NAALADL2: variants seen among roughly 807,000 people sequenced by gnomAD.
The protein encoded by NAALADL2 is N-acetylated alpha-linked acidic dipeptidase like 2, also known as inactive N-acetylated-alpha-linked acidic dipeptidase-like protein 2.
In NAALADL2, 76 loss-of-function variants were observed where a neutral mutation model predicts 87.2. The ratio of observed to expected loss-of-function variants is 0.87; its 90% CI spans 0.72 to 1.05. The LOEUF is 1.05. Ranked by LOEUF, NAALADL2 falls within the 50% of genes least tolerant of loss-of-function variation. The probability of loss-of-function intolerance (pLI) is 0.00; values close to 1 mark genes in which losing one functional copy is unlikely to be tolerated. For missense variants in NAALADL2, 1,089 were observed against 945.8 expected (o/e 1.15, Z -1.99); for synonymous variants, 354 against 331.0 (o/e 1.07, Z -0.75).
intron 1 of NAALADL2, among the ~76,000 whole-genome samples, chr3:174,917,037 T>G (rs1330838054): frequency 1.3e-5 from 2 of 152,140 alleles, no homozygotes; most frequent in African/African-American, 4.8e-5. Context: ...TTTCAGACTG[T>G]AATTCTCATT....
intron 1 of NAALADL2, among the ~76,000 whole-genome samples, chr3:174,453,312 G>A (rs1317385184): frequency 6.6e-6 from 1 of 152,258 alleles, no homozygotes; most frequent in Non-Finnish European, 1.5e-5. Flanking sequence ...CAACTTATTT[G>A]TGTCCTTGAA....
At chr3:175,223,677 G>T (rs1158721792) in intron 2 of NAALADL2, among the ~76,000 whole-genome samples, 1 of 152,132 alleles carries the variant, frequency 6.6e-6, no homozygotes, top group Non-Finnish European at 1.5e-5. Flanking sequence ...TTTGAATCCA[G>T]TGTCTAGAAC....
At chr3:175,094,753 CTATAGTGTG>C (rs1206417999) in intron 1 of NAALADL2, among the ~76,000 whole-genome samples, 11 of 74,384 alleles carry the variant, frequency 1.5e-4, no homozygotes, top group East Asian at 5.1e-4. Flanking sequence ...GCACCAGACA[CTATAGTGTG>C]TGTGTGTGTG....
chr3:175,252,815 C>G (rs533523139), intron 3 of NAALADL2, among the ~76,000 whole-genome samples: 12 of 152,206 alleles, frequency 7.9e-5, no homozygotes, highest in Admixed American at 3.3e-4. Context: ...TTTGAGTGAT[C>G]AGGATAGAAG....
chr3:174,483,370 A>C (rs938614694), intron 1 of NAALADL2, among the ~76,000 whole-genome samples: 1 of 151,914 alleles, frequency 6.6e-6, no homozygotes, highest in East Asian at 1.9e-4. Flanking sequence ...GTGAAGGGGG[A>C]AAGAGTCCCT....
Position 174,817,849 on chromosome 3 carries a change from C to G in NAALADL2, c.-9+80103C>G, listed in dbSNP as rs941851513. 2.6e-5 allele frequency among the ~76,000 whole-genome samples: 4 copies of G among 152,078 alleles called. No homozygotes were observed. The South Asian group carries it at 6.2e-4, about 24-fold the overall frequency. ...TTTCAGTATAATTTTCTAGCTCACACGTTTATCTTTAAAAAATAGTTTTAT... is the reference window on the plus strand; with the variant it reads ...TTTCAGTATAATTTTCTAGCTCACAGGTTTATCTTTAAAAAATAGTTTTAT... On this transcript the variant is annotated intron_variant, in intron 3 of 3. Transcript: ENST00000434257.
intron 9 of NAALADL2, among the ~76,000 whole-genome samples, chr3:175,511,886 T>C (rs1174760806): frequency 1.3e-5 from 2 of 152,144 alleles, no homozygotes; most frequent in Admixed American, 1.3e-4. Context: ...TAACCTAGGG[T>C]ATGTTCAATT....
intron 9 of NAALADL2, among the ~76,000 whole-genome samples, chr3:175,516,366 G>T (rs916375453): frequency 5.3e-5 from 8 of 152,218 alleles, no homozygotes; most frequent in Non-Finnish European, 8.8e-5. Flanking sequence ...GAGTAGAGAA[G>T]AGTTGACATC....
At chr3:174,523,087 A>G (rs1382185349) in intron 1 of NAALADL2, among the ~76,000 whole-genome samples, 1 of 152,166 alleles carries the variant, frequency 6.6e-6, no homozygotes, top group Non-Finnish European at 1.5e-5. Flanking sequence ...GTCTGCTGGT[A>G]CCTTGCTCTT....
At chr3:174,580,118 A>G (rs1715994832) in intron 2 of NAALADL2, among the ~76,000 whole-genome samples, 1 of 152,080 alleles carries the variant, frequency 6.6e-6, no homozygotes, top group African/African-American at 2.4e-5. Flanking sequence ...AAAAATAAGG[A>G]AAAATGTGTA....
Position 174,635,037 on chromosome 3 carries a change from A to T in NAALADL2, c.-115+84400A>T, listed in dbSNP as rs184967677. 3.7e-3 allele frequency among the ~76,000 whole-genome samples: 565 copies of T among 152,306 alleles called. 4 individuals are homozygous for T. The highest frequency in any genetic ancestry group is 0.013 in the African/African-American group (539 of 41,572). On this transcript the variant is annotated intron_variant, in intron 2 of 3. Transcript: ENST00000434257. ...TTTAAACAATATTGACAAAAATGTGATCTTGCTTCAAATTGTTTTATGGTA... is the reference window on the plus strand; with the variant it reads ...TTTAAACAATATTGACAAAAATGTGTTCTTGCTTCAAATTGTTTTATGGTA...
In NAALADL2 at chr3:175,783,208, A is replaced by G. The variant is rs535105482; in HGVS notation, c.2190-19797A>G. ...ATGCAGGCTCTTTTTTGGTTCCATA[A>G]GAACTTTAAAGTAGTTTTTTCCAAT... On this transcript the variant is annotated intron_variant, in intron 13 of 13. Transcript: ENST00000454872. Among the ~76,000 whole-genome samples, 34 of 152,192 alleles carry G rather than the reference A, an allele frequency of 2.2e-4. 1 individual carries two copies. Among genetic ancestry groups the G allele is most frequent in the African/African-American group, 6.3e-4 (26 of 41,524 alleles).
intron 4 of NAALADL2, among the ~76,000 whole-genome samples, chr3:175,306,384 C>T (rs1009735716): frequency 2.0e-5 from 3 of 152,084 alleles, no homozygotes; most frequent in African/African-American, 2.4e-5. Flanking sequence ...AAACTACTAC[C>T]GAGTGCCAGG....
At chr3:174,579,616 C>T (rs1249476629) in intron 2 of NAALADL2, among the ~76,000 whole-genome samples, 1 of 152,012 alleles carries the variant, frequency 6.6e-6, no homozygotes, top group African/African-American at 2.4e-5. Flanking sequence ...GTGTTCCTAT[C>T]TTGATACATT....
intron 1 of NAALADL2, among the ~76,000 whole-genome samples, chr3:174,876,908 C>T (rs991194445): frequency 5.3e-5 from 8 of 152,118 alleles, no homozygotes; most frequent in African/African-American, 1.9e-4. Flanking sequence ...AAGATTAAGG[C>T]ATTAGCAAAT....
chr3:175,573,281 T>C (rs1718358338), intron 9 of NAALADL2, among the ~76,000 whole-genome samples: 1 of 152,218 alleles, frequency 6.6e-6, no homozygotes, highest in South Asian at 2.1e-4. Flanking sequence ...GCTTTTGCTG[T>C]CTTGAAAAGA....
intron 1 of NAALADL2, among the ~76,000 whole-genome samples, chr3:174,511,953 T>G (rs1719624737): frequency 6.6e-6 from 1 of 152,114 alleles, no homozygotes; most frequent in Non-Finnish European, 1.5e-5. Flanking sequence ...TTCTTCCTCT[T>G]GCCTGTTTTC....
rs576076641 is a variant in NAALADL2, at chr3:175,024,915, C to T, written c.44-71875C>T. ...AGTCTGAGACTGGTATCGCCACCCA[C>T]ACCAGGCATACAAACAGCATTTCAT... On this transcript the variant is annotated intron_variant, in intron 1 of 13. Coordinates refer to ENST00000454872, the MANE Select transcript of NAALADL2 (RefSeq NM_207015.3). 1.1e-3 allele frequency among the ~76,000 whole-genome samples: 166 copies of T among 152,116 alleles called. 1 individual carries two copies. In the Middle Eastern group the frequency reaches 0.02, roughly 19 times the overall value.
chr3:174,887,464 TA>T (rs1253619845), intron 1 of NAALADL2, among the ~76,000 whole-genome samples: 2 of 152,186 alleles, frequency 1.3e-5, no homozygotes, highest in African/African-American at 4.8e-5. Flanking sequence ...TTTCTGAGTT[TA>T]ATTTAAAAGT....
Sources: allele counts gnomAD v4.1 joint callset (sites outside exome capture counted in the v4.1 genomes callset), GRCh38; gene constraint gnomAD v4.1.1; transcripts MANE v1.5; gene names NCBI Gene and HGNC (gene_info 2026-07-23, HGNC 2026-07-21).